Variants in STK11IP observed in about 807,000 individuals in gnomAD.
The protein encoded by STK11IP is serine/threonine-protein kinase 11-interacting protein.
STK11IP carries 103 observed loss-of-function variants against 131.7 expected under a neutral mutation model. The observed-to-expected ratio is 0.78, with a 90% CI of 0.67 to 0.92. STK11IP has a LOEUF of 0.92. STK11IP is among the 40% of genes least tolerant of loss of function. The probability of loss-of-function intolerance (pLI) is 0.00; values close to 1 mark genes in which losing one functional copy is unlikely to be tolerated. For missense variants in STK11IP, 1,315 were observed against 1,385.7 expected (o/e 0.95, Z 0.81); for synonymous variants, 557 against 575.6 (o/e 0.97, Z 0.46).
At chr2:219,614,291 C>T (rs1288068427) in intron 22 of STK11IP, 49 bp downstream of exon 22, 1 of 1,602,654 alleles carries the variant, frequency 6.2e-7, no homozygotes, top group Admixed American at 1.7e-5. Flanking sequence ...ATCCTCTTTC[C>T]ACAGAGCCCC....
intron 13 of STK11IP, 36 bp from the exon 14 acceptor site, chr2:219,608,011 C>T: frequency 6.3e-7 from 1 of 1,587,804 alleles, no homozygotes; most frequent in Non-Finnish European, 8.6e-7. Flanking sequence ...CTGTGTGGGG[C>T]AGGCTTGCTC....
rs759535875 is a variant in STK11IP at position 219,609,503 on chromosome 2, CAGTG to C, written c.2070_2073del (p.Ser690ArgfsTer149). ...CAGAGGAGCCCAGGATGGGATTAGA[CAGTG>C]AGGAAGGCTGGAGGCCTCTGTTCCA... On this transcript the variant is annotated frameshift_variant, in exon 17 of 25. Coordinates refer to ENST00000456909, the MANE Select transcript of STK11IP (RefSeq NM_052902.4). LOFTEE classifies it high-confidence loss of function. 1 of 1,592,330 alleles carries C rather than the reference CAGTG, an allele frequency of 6.3e-7. No homozygotes were observed. The highest frequency in any genetic ancestry group is 8.6e-7 in the Non-Finnish European group (1 of 1,169,034).
chr2:219,602,129 G>A, intron 5 of STK11IP, 46 bp downstream of exon 5: 1 of 1,397,008 alleles, frequency 7.2e-7, no homozygotes, highest in Non-Finnish European at 9.9e-7. Flanking sequence ...CTTGAGAGAT[G>A]TAGAAGACCA....
In STK11IP at chr2:219,607,190, AT is replaced by A. The variant is rs886807629; in HGVS notation, c.1219+58del. The A allele has an allele frequency of 5.8e-6, 9 of 1,554,402 alleles. No homozygotes were observed. The African/African-American group carries it at 8.2e-5, about 14-fold the overall frequency. ...TCTCGTCCCCAGCGAGCTCACTCTA[AT>A]TTTTAAGTTACAGTGAAGATCTGCT... On this transcript the variant is annotated intron_variant, in intron 13 of 24. Transcript: ENST00000456909.
At position 219,601,248 on chromosome 2, in the gene STK11IP, G is replaced by T. The variant is rs1171184809; in HGVS notation, c.75G>T (p.Leu25=). 2.5e-6 allele frequency: 4 copies of T among 1,613,110 alleles called. No homozygotes were observed. The Admixed American group carries it at 5.0e-5, about 20-fold the overall frequency. ...GLLRESGDVV[L]SGCSTLSLLT... ...CTTTTTCTGCAGGGGATGTGGTCCT[G>T]TCTGGCTGTAGCACCCTGAGCCTGC... Residue 25 remains leucine, a synonymous_variant, in exon 3 of 25, where the codon CTG becomes CTT. Coordinates refer to ENST00000456909, the MANE Select transcript of STK11IP (RefSeq NM_052902.4).
intron 7 of STK11IP, among the ~76,000 whole-genome samples, chr2:219,603,385 C>T (rs1055802249): frequency 6.6e-6 from 1 of 152,102 alleles, no homozygotes; most frequent in African/African-American, 2.4e-5. Context: ...GAAGAAGTAC[C>T]CAATGTTGCT....
At chr2:219,611,347 G>T (rs1410762686) in intron 17 of STK11IP, among the ~76,000 whole-genome samples, 1 of 152,212 alleles carries the variant, frequency 6.6e-6, no homozygotes, top group Non-Finnish European at 1.5e-5. Flanking sequence ...GTCTGAGAGG[G>T]CCTAGAGTTA....
chr2:219,605,951 C>G lies in STK11IP; in HGVS notation c.746-5C>G. ...GCTCTTCCTTCCTTCTTGCGTCCAC[C>G]CCAGGCCTAGAGCAGCTGAGGAATC... On this transcript the variant is annotated splice_polypyrimidine_tract_variant and splice_region_variant and intron_variant, in intron 8 of 24. Transcript: ENST00000456909. The G allele has an allele frequency of 1.3e-6, 2 of 1,597,100 alleles. No homozygotes were observed. The highest frequency in any genetic ancestry group is 1.7e-6 in the Non-Finnish European group (2 of 1,171,678).
rs770075355 is a variant in STK11IP, at chr2:219,602,497, C to G, written c.468C>G (p.Phe156Leu). The change falls in exon 6 of 25, where the codon TTC becomes TTG. Residue 156 changes from phenylalanine (F) to leucine (L), a missense_variant. Coordinates refer to ENST00000456909, the MANE Select transcript of STK11IP (RefSeq NM_052902.4). ...TCCTCTCAGCCTGCGGCGGCGACTT[C>G]TGCTCTGCCCTCCCTTGGCTGGCTC... is the stretch of plus-strand genomic sequence containing the variant. ...EELLSACGGDFCSALPWLALL... is the reference protein window; with the variant it reads ...EELLSACGGDLCSALPWLALL... The G allele has an allele frequency of 1.2e-6, 2 of 1,613,858 alleles. No homozygotes were observed. The highest frequency in any genetic ancestry group is 1.7e-5 in the Admixed American group (1 of 60,002).
rs998303115 is a variant in STK11IP, at chr2:219,612,678, C to T, written c.2440-450C>T. On this transcript the variant is annotated intron_variant, in intron 19 of 24. Coordinates refer to ENST00000456909, the MANE Select transcript of STK11IP (RefSeq NM_052902.4). ...GAGTGTCGCTGGTGGGGAGAACTGC[C>T]CAGGATGAGGGCACCTGGACATGCA... 7.2e-5 allele frequency among the ~76,000 whole-genome samples: 11 copies of T among 152,174 alleles called. 1 individual carries two copies. The highest frequency in any genetic ancestry group is 1.0e-4 in the Non-Finnish European group (7 of 68,036).
intron 2 of STK11IP, among the ~76,000 whole-genome samples, chr2:219,600,517 CTTA>C (rs1697951542): frequency 6.6e-6 from 1 of 152,198 alleles, no homozygotes; most frequent in South Asian, 2.1e-4. Context: ...TGACTCCATA[CTTA>C]TTATATTTTT....
Position 219,601,241 on chromosome 2 carries a change from T to C in STK11IP, c.68T>C (p.Val23Ala). 1 of 1,611,398 alleles carries C rather than the reference T, an allele frequency of 6.2e-7. No homozygotes were observed. The highest frequency in any genetic ancestry group is 8.5e-7 in the Non-Finnish European group (1 of 1,177,750). ...TTTGCCCCTTTTTCTGCAGGGGATG[T>C]GGTCCTGTCTGGCTGTAGCACCCTG... ...LAGLLRESGDVVLSGCSTLSL... is the reference protein window; with the variant it reads ...LAGLLRESGDAVLSGCSTLSL... Residue 23 changes from valine (V) to alanine (A), a missense_variant, in exon 3 of 25, where the codon GTG becomes GCG. Physicochemically the swap from Val to Ala is moderately conservative, Grantham distance 64. Transcript: ENST00000456909.
chr2:219,605,778 G>C, intron 8 of STK11IP, 44 bp downstream of exon 8: 1 of 1,582,454 alleles, frequency 6.3e-7, no homozygotes, highest in Non-Finnish European at 8.6e-7. Flanking sequence ...GGGGAAGGGG[G>C]AGAGTGAGGC....
At chr2:219,603,516 A>AT (rs975826270) in intron 7 of STK11IP, among the ~76,000 whole-genome samples, 55 of 144,684 alleles carry the variant, frequency 3.8e-4, no homozygotes, top group Admixed American at 9.0e-4. Flanking sequence ...GTAAGGACAG[A>AT]TTTTTTTTTT....
At position 219,601,643 on chromosome 2, in the gene STK11IP, G is replaced by C. The variant is rs1382036836; in HGVS notation, c.270G>C (p.Leu90=). The change falls in exon 4 of 25, where the codon CTG becomes CTC. Residue 90 remains leucine (L), a splice_region_variant and synonymous_variant. Coordinates refer to ENST00000456909, the MANE Select transcript of STK11IP (RefSeq NM_052902.4). The stretch of plus-strand genomic sequence containing the variant: ...TTGAGTTTTTTTTTTTTTTTCAGCT[G>C]GTCCATGTTGCTGGTCCTGGCCCCA... The part of the protein sequence containing the change: ...DVLQKTLSLK[L]VHVAGPGPTG... 1.3e-6 allele frequency: 2 copies of C among 1,543,798 alleles called. No homozygotes were observed. The highest frequency in any genetic ancestry group is 8.8e-7 in the Non-Finnish European group (1 of 1,142,366).
intron 10 of STK11IP, 90 bp from the exon 11 acceptor site, chr2:219,606,386 A>G (rs777922591): frequency 1.9e-6 from 3 of 1,549,406 alleles, no homozygotes; most frequent in East Asian, 2.4e-5. Context: ...GGGGCCAAGG[A>G]CCTGGACCCT....
intron 19 of STK11IP, 191 bp from the exon 20 acceptor site, chr2:219,612,937 G>C (rs188991374): frequency 3.5e-6 from 2 of 569,232 alleles, no homozygotes; most frequent in African/African-American, 3.8e-5. Flanking sequence ...GGCTCTGAGC[G>C]GGCAGGGGCT....
At chr2:219,615,932 G>C (rs2106170459) in intron 24 of STK11IP, 112 bp from the exon 25 acceptor site, 1 of 1,366,686 alleles carries the variant, frequency 7.3e-7, no homozygotes, top group Non-Finnish European at 1.0e-6. Flanking sequence ...CTGGGGAAGG[G>C]GAGAGGCACT....
At position 219,597,913 on chromosome 2, in the gene STK11IP, G is replaced by C; in HGVS notation, c.-37G>C. 1.2e-6 allele frequency: 2 copies of C among 1,612,004 alleles called. No homozygotes were observed. ...AGCTGAGCTGGTAGGAGGACCAGAC[G>C]GGGAGGTTCGGTATGTCTGACCAGG... On this transcript the variant is annotated 5_prime_UTR_variant, in exon 1 of 25. Transcript: ENST00000456909.
Sources: allele counts gnomAD v4.1 joint callset (sites outside exome capture counted in the v4.1 genomes callset), GRCh38; gene constraint gnomAD v4.1.1; transcripts MANE v1.5; gene names NCBI Gene and HGNC (gene_info 2026-07-23, HGNC 2026-07-21).